The following MED27 variants were observed in gnomAD, a reference collection of about 807,000 sequenced individuals.
MED27 encodes the protein mediator complex subunit 27.
In MED27, 30 loss-of-function variants were observed where a neutral mutation model predicts 38.2. The ratio of observed to expected loss-of-function variants is 0.79; its 90% CI spans 0.59 to 1.07. The LOEUF (loss-of-function observed/expected upper bound fraction) is 1.07, where lower values mean the gene tolerates loss of function less well. Among genes scored for constraint, MED27 ranks in the 50% least tolerant of loss-of-function variants. MED27 has a pLI of 0.00. For synonymous variants in MED27, 122 were observed against 153.5 expected (o/e 0.79, Z 1.52); for missense variants, 289 against 397.5 (o/e 0.73, Z 2.32).
intron 2 of MED27, among the ~76,000 whole-genome samples, chr9:132,066,781 T>C (rs1589299929): frequency 6.6e-6 from 1 of 152,324 alleles, no homozygotes; most frequent in Middle Eastern, 3.4e-3. Flanking sequence ...CCAGAAGTCC[T>C]GAGCCAGCGC....
chr9:131,954,899 G>A (rs1007945328), intron 3 of MED27, among the ~76,000 whole-genome samples: 1 of 151,988 alleles, frequency 6.6e-6, no homozygotes, highest in Non-Finnish European at 1.5e-5. Context: ...TCAATACCAC[G>A]CCTCTCTCAG....
chr9:132,078,277 T>G (rs1834098890), intron 1 of MED27, among the ~76,000 whole-genome samples: 1 of 152,102 alleles, frequency 6.6e-6, no homozygotes, highest in African/African-American at 2.4e-5. Flanking sequence ...TTATGCCACA[T>G]TCATTTTGGA....
rs141683973 is a variant in MED27 at position 131,878,001 on chromosome 9, G to A, written c.723+6057C>T. ...ATTAAAAAGAATGAACAGGCCGGGC[G>A]CGGTGGCTCATGCCTATAATCCCAA... On this transcript the variant is annotated intron_variant, in intron 6 of 7. Coordinates refer to ENST00000292035, the MANE Select transcript of MED27 (RefSeq NM_004269.4). 1.2e-3 allele frequency among the ~76,000 whole-genome samples: 190 copies of A among 152,214 alleles called. 1 individual carries two copies. The highest frequency in any genetic ancestry group is 4.2e-3 in the African/African-American group (173 of 41,528).
chr9:131,952,102 G>A (rs555198525), intron 3 of MED27, among the ~76,000 whole-genome samples: 12 of 152,322 alleles, frequency 7.9e-5, no homozygotes, highest in Non-Finnish European at 1.3e-4. Flanking sequence ...TGCCCCAGGA[G>A]GCTGGCCTAC....
At chr9:132,054,216 T>C (rs1833525360) in intron 2 of MED27, among the ~76,000 whole-genome samples, 1 of 152,076 alleles carries the variant, frequency 6.6e-6, no homozygotes, top group African/African-American at 2.4e-5. Flanking sequence ...GGCTTGGTGC[T>C]GTCCTGGCCA....
chr9:132,070,920 A>G (rs1833921849), intron 2 of MED27, among the ~76,000 whole-genome samples: 1 of 151,926 alleles, frequency 6.6e-6, no homozygotes, highest in African/African-American at 2.4e-5. Flanking sequence ...GGTGCTGATT[A>G]TTCAACAGAA....
intron 3 of MED27, among the ~76,000 whole-genome samples, chr9:131,944,530 CTTTTT>C (rs35269307): frequency 7.1e-6 from 1 of 141,096 alleles, no homozygotes. Context: ...GGTTTTTAGT[CTTTTT>C]TTTTTTTTTT....
chr9:131,976,698 A>G (rs1258283770), intron 3 of MED27, among the ~76,000 whole-genome samples: 3 of 152,246 alleles, frequency 2.0e-5, no homozygotes, highest in Admixed American at 2.0e-4. Context: ...TTGACCAACT[A>G]CTTCCTCATT....
intron 4 of MED27, among the ~76,000 whole-genome samples, chr9:131,926,467 C>T (rs1270841610): frequency 1.3e-5 from 2 of 152,238 alleles, no homozygotes; most frequent in Non-Finnish European, 2.9e-5. Context: ...CTCCAGGACG[C>T]CACCGTCCTT....
intron 5 of MED27, among the ~76,000 whole-genome samples, chr9:131,885,537 G>A (rs1309270731): frequency 6.6e-6 from 1 of 152,118 alleles, no homozygotes; most frequent in African/African-American, 2.4e-5. Context: ...CCTACTTGAC[G>A]AATGAGGAAG....
intron 3 of MED27, among the ~76,000 whole-genome samples, chr9:131,986,549 C>T (rs1831854074): frequency 6.6e-6 from 1 of 152,094 alleles, no homozygotes; most frequent in South Asian, 2.1e-4. Flanking sequence ...TGTTTAGATA[C>T]ATAAATACTT....
intron 2 of MED27, among the ~76,000 whole-genome samples, chr9:132,055,682 T>C (rs566576488): frequency 1.3e-5 from 2 of 152,170 alleles, no homozygotes; most frequent in Non-Finnish European, 2.9e-5. Context: ...TCTGGACTAA[T>C]ATCAGTATTG....
At chr9:131,961,560 G>A (rs1004235135) in intron 3 of MED27, among the ~76,000 whole-genome samples, 1 of 152,226 alleles carries the variant, frequency 6.6e-6, no homozygotes, top group African/African-American at 2.4e-5. Context: ...TCCGCTGACA[G>A]CCCTGGGAAA....
chr9:132,050,863 A>G (rs1027078981), intron 2 of MED27, among the ~76,000 whole-genome samples: 1 of 152,190 alleles, frequency 6.6e-6, no homozygotes. Flanking sequence ...TCCATGAGGG[A>G]GGGTGAGGGC....
intron 5 of MED27, among the ~76,000 whole-genome samples, chr9:131,886,627 C>A (rs890387448): frequency 2.0e-5 from 3 of 152,204 alleles, no homozygotes; most frequent in South Asian, 2.1e-4. Context: ...GACAGCTCAA[C>A]AATTTGCAAG....
chr9:131,969,588 C>T (rs1289155937), intron 3 of MED27, among the ~76,000 whole-genome samples: 4 of 152,014 alleles, frequency 2.6e-5, no homozygotes, highest in Non-Finnish European at 5.9e-5. Flanking sequence ...CCGTTGTGCC[C>T]ATCATTTATA....
intron 4 of MED27, among the ~76,000 whole-genome samples, chr9:131,906,803 T>C (rs1293238301): frequency 6.6e-6 from 1 of 152,210 alleles, no homozygotes; most frequent in African/African-American, 2.4e-5. Context: ...GGCTACTCCA[T>C]AGACAGGCTG....
intron 2 of MED27, among the ~76,000 whole-genome samples, chr9:132,022,562 C>A (rs1375155470): frequency 6.6e-6 from 1 of 152,122 alleles, no homozygotes; most frequent in Admixed American, 6.5e-5. Flanking sequence ...AAATCAACAT[C>A]AGTGAAATTT....
intron 2 of MED27, among the ~76,000 whole-genome samples, chr9:132,047,328 G>C (rs544982090): frequency 2.0e-5 from 3 of 152,162 alleles, no homozygotes; most frequent in Admixed American, 1.3e-4. Context: ...ACCAAATACA[G>C]TTGGGGTCCC....
Sources: gnomAD v4.1 joint callset for allele counts (sites outside exome capture counted in the v4.1 genomes callset) on GRCh38, gnomAD v4.1.1 for gene constraint, MANE v1.5 for transcripts, NCBI Gene and HGNC (gene_info 2026-07-23, HGNC 2026-07-21) for gene names.